The following ELAPOR2 variants were observed in gnomAD, a reference collection of about 807,000 sequenced individuals.
ELAPOR2 encodes the protein endosome-lysosome associated apoptosis and autophagy regulator family member 2, also known as endosome/lysosome-associated apoptosis and autophagy regulator family member 2.
In ELAPOR2, 89 loss-of-function variants were observed where a neutral mutation model predicts 120.7. The observed-to-expected ratio is 0.74, with a 90% CI of 0.62 to 0.88. The LOEUF is 0.88. Ranked by LOEUF, ELAPOR2 falls within the 40% of genes least tolerant of loss-of-function variation. The pLI is 0.00. For missense variants in ELAPOR2, 1,134 were observed against 1,251.6 expected (o/e 0.91, Z 1.42); for synonymous variants, 444 against 444.9 (o/e 1.00, Z 0.03).
intron 1 of ELAPOR2, among the ~76,000 whole-genome samples, chr7:87,011,264 A>AAAAAAAAAAG (rs1554404742): frequency 5.8e-4 from 77 of 133,642 alleles, no homozygotes; most frequent in Non-Finnish European, 7.8e-4. Context: ...AAAAAAAAAA[A>AAAAAAAAAAG]AAAAGAAAAG....
At position 86,912,170 on chromosome 7, in the gene ELAPOR2, T is replaced by G. The variant is rs1415806803; in HGVS notation, c.2071A>C (p.Asn691His). The G allele has an allele frequency of 3.7e-6, 6 of 1,612,582 alleles. No individual in the cohort carries two copies. Among genetic ancestry groups the G allele is most frequent in the Non-Finnish European group, 5.1e-6 (6 of 1,178,836 alleles). ...ATTAATGAGCCCACACTGCTGAGGT[T>G]GCTAAAGTCATAGTGCAAACTCTGA... ...ENQSLHYDFS[N>H]LSSVGSLMNG... The change falls in exon 15 of 22, where the codon AAC (asparagine) becomes CAC (histidine). Residue 691 changes from asparagine to histidine, a missense_variant. Asn to His is a moderately conservative substitution (Grantham distance 68). This residue lies in a region of ELAPOR2 where 831 missense variants were observed against 867.6 expected (regional missense o/e 0.96). Transcript: ENST00000450689.
At chr7:86,884,718 A>G (rs2115753202) in intron 21 of ELAPOR2, among the ~76,000 whole-genome samples, 1 of 152,286 alleles carries the variant, frequency 6.6e-6, no homozygotes, top group South Asian at 2.1e-4. Context: ...GAAAAATGGA[A>G]ATCATTTATG....
At chr7:86,987,274 A>G (rs1461895189) in intron 1 of ELAPOR2, among the ~76,000 whole-genome samples, 1 of 152,240 alleles carries the variant, frequency 6.6e-6, no homozygotes, top group Non-Finnish European at 1.5e-5. Context: ...ACCATTCAGG[A>G]CATAGGCATG....
At position 86,986,301 on chromosome 7, in the gene ELAPOR2, C is replaced by T. The variant is rs1348892840; in HGVS notation, c.190-21277G>A. Among the ~76,000 whole-genome samples, 12 of 114,852 alleles carry T rather than the reference C, an allele frequency of 1.0e-4. 3 individuals are homozygous for T. Among genetic ancestry groups the T allele is most frequent in the East Asian group, 4.5e-4 (2 of 4,464 alleles). The allele number at this position is 114,852 out of a possible 152,430, so 75.3% of individuals were successfully genotyped here. A position where few individuals can be genotyped will look rare whatever the true frequency, so the allele number is the denominator to read the frequency against. ...AAAATTAGCCGGGCGTAGTGGCGGG[C>T]GCCTGTAGTCCCAGCTACTTGGGAG... On this transcript the variant is annotated intron_variant, in intron 1 of 21. Coordinates refer to ENST00000450689, the MANE Select transcript of ELAPOR2 (RefSeq NM_001142749.3).
At chr7:86,979,850 A>T (rs1792404908) in intron 1 of ELAPOR2, among the ~76,000 whole-genome samples, 1 of 152,206 alleles carries the variant, frequency 6.6e-6, no homozygotes, top group Non-Finnish European at 1.5e-5. Context: ...GAGAGAATAC[A>T]GTTGTGGGTT....
intron 1 of ELAPOR2, among the ~76,000 whole-genome samples, chr7:86,993,775 TC>T (rs1168762351): frequency 6.6e-6 from 1 of 152,160 alleles, no homozygotes; most frequent in Non-Finnish European, 1.5e-5. Flanking sequence ...TTGTACACAA[TC>T]CCAACACTCC....
intron 8 of ELAPOR2, among the ~76,000 whole-genome samples, chr7:86,937,920 A>G (rs1045570156): frequency 1.3e-5 from 2 of 152,126 alleles, no homozygotes; most frequent in African/African-American, 4.8e-5. Context: ...AGGCCTAGAG[A>G]CATCAAATAA....
chr7:86,967,334 C>A (rs559626086), intron 1 of ELAPOR2, among the ~76,000 whole-genome samples: 2 of 152,150 alleles, frequency 1.3e-5, no homozygotes, highest in East Asian at 3.9e-4. Flanking sequence ...GTGGTGTGCG[C>A]TTCCCAGCTA....
chr7:86,895,267 G>A (rs149106970), intron 19 of ELAPOR2, among the ~76,000 whole-genome samples: 94 of 152,118 alleles, frequency 6.2e-4, no homozygotes, highest in African/African-American at 2.1e-3. Flanking sequence ...CGGAGGAGTT[G>A]ACTTTTTAAA....
intron 1 of ELAPOR2, among the ~76,000 whole-genome samples, chr7:87,034,486 A>C (rs184832563): frequency 5.9e-5 from 9 of 152,112 alleles, no homozygotes; most frequent in Non-Finnish European, 1.3e-4. Flanking sequence ...GTAGAAAAAA[A>C]TGAGATCATT....
intron 2 of ELAPOR2, among the ~76,000 whole-genome samples, chr7:86,949,595 A>C (rs1023457704): frequency 1.5e-4 from 23 of 151,894 alleles, no homozygotes; most frequent in African/African-American, 5.6e-4. Context: ...GCATCTTGGC[A>C]CTCTCAGGGG....
intron 2 of ELAPOR2, 35 bp from the exon 3 acceptor site, chr7:86,947,957 C>A (rs755193495): frequency 1.4e-6 from 2 of 1,427,354 alleles, no homozygotes; most frequent in Admixed American, 2.1e-5. Context: ...CCATTACTTA[C>A]CCTCCCATCA....
At chr7:86,886,591 C>A (rs1466761600) in intron 21 of ELAPOR2, among the ~76,000 whole-genome samples, 1 of 152,080 alleles carries the variant, frequency 6.6e-6, no homozygotes, top group African/African-American at 2.4e-5. Flanking sequence ...CATTCCCATG[C>A]CCCAGATCTT....
intron 1 of ELAPOR2, among the ~76,000 whole-genome samples, chr7:87,045,906 G>C (rs976455880): frequency 6.6e-6 from 1 of 151,932 alleles, no homozygotes; most frequent in Non-Finnish European, 1.5e-5. Context: ...CAACAAGAAT[G>C]CCCACTGTCA....
intron 1 of ELAPOR2, among the ~76,000 whole-genome samples, chr7:87,015,308 C>T (rs555221765): frequency 6.6e-5 from 10 of 152,228 alleles, no homozygotes; most frequent in Non-Finnish European, 8.8e-5. Flanking sequence ...GTCTAAAGGT[C>T]GTTTCTTATT....
rs1034900878 is a variant in ELAPOR2 at position 87,059,422 on chromosome 7, G to A, written c.92C>T (p.Pro31Leu). The A allele has an allele frequency of 1.4e-4, 179 of 1,236,926 alleles. 1 individual carries two copies. In the Admixed American group the frequency reaches 1.9e-3, roughly 13 times the overall value. 76.6% of individuals were successfully genotyped at this position (1,236,926 alleles called of 1,614,324 possible). A position where few individuals can be genotyped will look rare whatever the true frequency, so the allele number is the denominator to read the frequency against. Reference sequence around the variant, plus strand: ...GAGCGCCCAGCAGCAAATCCAGGCGGGGCTCCAGGGCGGCGAGCGCCCGCG... The same window carrying A: ...GAGCGCCCAGCAGCAAATCCAGGCGAGGCTCCAGGGCGGCGAGCGCCCGCG... ...PRRGRSPPWS[P>L]AWICCWALAG... Residue 31 changes from proline (P) to leucine (L), a missense_variant, in exon 1 of 22, where the codon CCC becomes CTC. Transcript: ENST00000450689.
chr7:86,921,658 T>C (rs1415122055), intron 10 of ELAPOR2, among the ~76,000 whole-genome samples: 3 of 152,022 alleles, frequency 2.0e-5, no homozygotes, highest in Non-Finnish European at 4.4e-5. Context: ...TAAACACTCA[T>C]GATACCCTTA....
chr7:86,968,707 A>T (rs143647126), intron 1 of ELAPOR2, among the ~76,000 whole-genome samples: 2 of 152,106 alleles, frequency 1.3e-5, no homozygotes, highest in South Asian at 4.2e-4. Flanking sequence ...ATTTTTCCTG[A>T]AAAGGGGAAA....
At chr7:87,034,006 G>T (rs1162323228) in intron 1 of ELAPOR2, among the ~76,000 whole-genome samples, 1 of 152,106 alleles carries the variant, frequency 6.6e-6, no homozygotes, top group African/African-American at 2.4e-5. Context: ...GACATATCAA[G>T]TACTTAATAA....
Sources: gnomAD v4.1 joint callset for allele counts (sites outside exome capture counted in the v4.1 genomes callset) on GRCh38, gnomAD v4.1.1 for gene constraint, gnomAD v4.1.1 regional missense constraint, MANE v1.5 for transcripts, NCBI Gene and HGNC (gene_info 2026-07-23, HGNC 2026-07-21) for gene names.